Variants in REPS1 observed in about 807,000 individuals in gnomAD.
REPS1 encodes the protein ralBP1-associated Eps domain-containing protein 1.
Under a neutral mutation model 100.9 loss-of-function variants are expected in REPS1, and 39 were observed. The ratio of observed to expected loss-of-function variants is 0.39; its 90% CI spans 0.30 to 0.50. The LOEUF is 0.50. REPS1 is among the 20% of genes least tolerant of loss of function. The pLI is 0.86. For missense variants in REPS1, 821 were observed against 968.5 expected (o/e 0.85, Z 2.02); for synonymous variants, 324 against 340.3 (o/e 0.95, Z 0.53).
In REPS1 at chr6:138,907,567, T is replaced by C. The variant is rs1168902666; in HGVS notation, c.2250A>G (p.Ala750=). 5.0e-6 allele frequency: 8 copies of C among 1,613,680 alleles called. No individual in the cohort carries two copies. The highest frequency in any genetic ancestry group is 6.8e-6 in the Non-Finnish European group (8 of 1,179,686). Residue 750 remains alanine, a synonymous_variant, in exon 19 of 20, where the codon GCA becomes GCG. Coordinates refer to ENST00000450536, the MANE Select transcript of REPS1 (RefSeq NM_001286611.2). ...TGGTTTCCTTATTACGTCTAATTGA[T>C]GCCTGAATAGCTTTCTTATCTTTCC... ...SVGKDKKAIQ[A]SIRRNKETNT... is the part of the protein sequence containing the mutation.
intron 7 of REPS1, among the ~76,000 whole-genome samples, chr6:138,942,584 G>A (rs760432441): frequency 4.7e-4 from 71 of 152,028 alleles, no homozygotes; most frequent in Non-Finnish European, 1.9e-4. Flanking sequence ...CAGGACTACA[G>A]GCTTGCACCA....
At chr6:138,927,057 A>G (rs1472527497) in intron 9 of REPS1, 1 of 152,480 alleles carries the variant, frequency 6.6e-6, no homozygotes, top group African/African-American at 2.4e-5. Context: ...TGGAATTAAT[A>G]TATGTAGAGC....
intron 14 of REPS1, 73 bp downstream of exon 14, chr6:138,915,785 A>T (rs1208038398): frequency 8.9e-7 from 1 of 1,127,616 alleles, no homozygotes; most frequent in East Asian, 2.4e-5. Flanking sequence ...AGAAACAAAA[A>T]TAAAATGTGT....
chr6:138,905,543 G>A (rs919241800), intron 19 of REPS1, among the ~76,000 whole-genome samples: 5 of 151,142 alleles, frequency 3.3e-5, no homozygotes, highest in East Asian at 1.9e-4. Flanking sequence ...CACCCGCCTC[G>A]GCCTCCCAAA....
At chr6:138,946,948 G>A (rs1459028298) in intron 2 of REPS1, among the ~76,000 whole-genome samples, 3 of 152,110 alleles carry the variant, frequency 2.0e-5, no homozygotes, top group African/African-American at 7.2e-5. Context: ...ATTAGATCAT[G>A]GGGGCGGTTC....
At chr6:138,917,979 A>G (rs1780512679) in intron 12 of REPS1, among the ~76,000 whole-genome samples, 1 of 152,242 alleles carries the variant, frequency 6.6e-6, no homozygotes, top group Admixed American at 6.5e-5. Context: ...AACCGCAAAC[A>G]GAAAATATTA....
chr6:138,942,278 T>C (rs555837476), intron 7 of REPS1, among the ~76,000 whole-genome samples: 1 of 152,312 alleles, frequency 6.6e-6, no homozygotes, highest in South Asian at 2.1e-4. Flanking sequence ...AAACTATAAA[T>C]AGCATGCATA....
chr6:138,908,645 T>C (rs1779814905), intron 18 of REPS1, 23 bp downstream of exon 18: 1 of 1,612,736 alleles, frequency 6.2e-7, no homozygotes, highest in African/African-American at 1.3e-5. Context: ...TAATTAAATG[T>C]GTCTAGGAAT....
chr6:138,980,585 T>A (rs901302067), intron 1 of REPS1, among the ~76,000 whole-genome samples: 2 of 148,976 alleles, frequency 1.3e-5, no homozygotes, highest in African/African-American at 5.0e-5. Context: ...GGCCTTCCCT[T>A]ACACCTAAGT....
intron 1 of REPS1, among the ~76,000 whole-genome samples, chr6:138,948,315 C>A (rs1401862430): frequency 6.6e-6 from 1 of 152,092 alleles, no homozygotes; most frequent in Non-Finnish European, 1.5e-5. Context: ...TGGAAAAATA[C>A]TAAGGATTTA....
chr6:138,941,722 T>G (rs1782263622), intron 7 of REPS1, among the ~76,000 whole-genome samples: 1 of 152,160 alleles, frequency 6.6e-6, no homozygotes, highest in African/African-American at 2.4e-5. Context: ...TCCTGTGTGT[T>G]TGAAATTCTC....
chr6:138,946,994 A>C (rs548355750), intron 2 of REPS1, among the ~76,000 whole-genome samples: 4 of 148,592 alleles, frequency 2.7e-5, no homozygotes, highest in African/African-American at 1.0e-4. Context: ...GCAAGTTCTC[A>C]TGAGATCTGA....
chr6:138,963,015 TA>T (rs1367369732), intron 1 of REPS1, among the ~76,000 whole-genome samples: 1 of 152,190 alleles, frequency 6.6e-6, no homozygotes, highest in Admixed American at 6.6e-5. Flanking sequence ...AGATTCTCCA[TA>T]ATGTATAACC....
chr6:138,930,951 T>G (rs900490216), intron 8 of REPS1, among the ~76,000 whole-genome samples: 3 of 152,206 alleles, frequency 2.0e-5, no homozygotes, highest in Non-Finnish European at 4.4e-5. Context: ...AAGCTTAATT[T>G]AAAATAACTC....
intron 1 of REPS1, among the ~76,000 whole-genome samples, chr6:138,962,659 A>C (rs983946742): frequency 4.6e-5 from 7 of 152,080 alleles, no homozygotes; most frequent in Non-Finnish European, 8.8e-5. Context: ...CTGTATCTTC[A>C]GTATGTTTTC....
chr6:138,972,253 GGA>G (rs1269922208), intron 1 of REPS1, among the ~76,000 whole-genome samples: 3 of 152,150 alleles, frequency 2.0e-5, no homozygotes, highest in African/African-American at 7.2e-5. Context: ...ACGAAAGTGA[GGA>G]GAGAGTCCTG....
rs1582683993 is a variant in REPS1, at chr6:138,904,498, T to G, written c.*566A>C. The G allele has an allele frequency of 6.6e-6, 1 of 152,206 alleles. No homozygotes were observed. Among genetic ancestry groups the G allele is most frequent in the Non-Finnish European group, 1.5e-5 (1 of 68,026 alleles). The allele number at this position is 152,206 out of a possible 1,614,324, so 9.4% of individuals were successfully genotyped here. ...AAGGAAAATATAAAATCTCACATGT[T>G]TGTATTTGTCACAAGTTGACATGTA... On this transcript the variant is annotated 3_prime_UTR_variant, in exon 20 of 20. Transcript: ENST00000450536.
At chr6:138,916,306 C>T (rs555560642) in intron 13 of REPS1, 61 of 228,038 alleles carry the variant, frequency 2.7e-4, no homozygotes, top group African/African-American at 1.4e-3. Flanking sequence ...CTGCAACCTC[C>T]GCCTCCTGGG....
chr6:138,921,309 A>G (rs1780737597), intron 10 of REPS1, among the ~76,000 whole-genome samples, 185 bp from the exon 11 acceptor site: 1 of 152,094 alleles, frequency 6.6e-6, no homozygotes, highest in South Asian at 2.1e-4. Context: ...AGCTCACTAT[A>G]TATGCCTAGT....
Sources: gnomAD v4.1 joint callset for allele counts (sites outside exome capture counted in the v4.1 genomes callset) on GRCh38, gnomAD v4.1.1 for gene constraint, MANE v1.5 for transcripts, NCBI Gene and HGNC (gene_info 2026-07-23, HGNC 2026-07-21) for gene names.